EPB41L3: variants seen among roughly 807,000 people sequenced by gnomAD.
EPB41L3 encodes erythrocyte membrane protein band 4.1 like 3.
In EPB41L3, 57 loss-of-function variants were observed where a neutral mutation model predicts 127.1. The ratio of observed to expected loss-of-function variants is 0.45; its 90% CI spans 0.36 to 0.56. EPB41L3 has a LOEUF of 0.56. Ranked by LOEUF, EPB41L3 falls within the 20% of genes least tolerant of loss-of-function variation. The pLI is 0.00. For synonymous variants in EPB41L3, 572 were observed against 549.5 expected (o/e 1.04, Z -0.57); for missense variants, 1,273 against 1,372.2 (o/e 0.93, Z 1.14).
chr18:5,437,010 C>A (rs2079943943), intron 6 of EPB41L3, among the ~76,000 whole-genome samples: 1 of 152,316 alleles, frequency 6.6e-6, no homozygotes, highest in Non-Finnish European at 1.5e-5. Flanking sequence ...ATACACTGCA[C>A]AAAATTGCTT....
At chr18:5,423,671 T>C (rs2077763977) in intron 10 of EPB41L3, 118 bp from the exon 11 acceptor site, 4 of 897,830 alleles carry the variant, frequency 4.5e-6, no homozygotes, top group Non-Finnish European at 6.6e-6. Flanking sequence ...AACGCACAAC[T>C]TGCAGTTAAA....
chr18:5,475,743 C>T (rs2087055235), intron 3 of EPB41L3, among the ~76,000 whole-genome samples: 1 of 152,216 alleles, frequency 6.6e-6, no homozygotes, highest in Non-Finnish European at 1.5e-5. Flanking sequence ...TCCTGCTTTG[C>T]TTCAGCGTCC....
intron 3 of EPB41L3, among the ~76,000 whole-genome samples, chr18:5,445,827 C>G (rs981208603): frequency 6.6e-6 from 1 of 152,116 alleles, no homozygotes; most frequent in Non-Finnish European, 1.5e-5. Flanking sequence ...GAGTTCGAAC[C>G]CTATTGTGAA....
chr18:5,620,433 C>G (rs1475427418), intron 1 of EPB41L3, among the ~76,000 whole-genome samples: 1 of 152,192 alleles, frequency 6.6e-6, no homozygotes, highest in East Asian at 1.9e-4. Flanking sequence ...CGTCATGATA[C>G]TTTTTCACTT....
intron 2 of EPB41L3, among the ~76,000 whole-genome samples, chr18:5,479,207 T>C (rs2087883203): frequency 6.6e-6 from 1 of 152,222 alleles, no homozygotes; most frequent in African/African-American, 2.4e-5. Flanking sequence ...CCAACTATTC[T>C]CTCTGTACAT....
At chr18:5,546,706 C>T (rs1052883825), upstream of EPB41L3, among the ~76,000 whole-genome samples, 3 of 152,082 alleles carry the variant, frequency 2.0e-5, no homozygotes, top group African/African-American at 7.2e-5. Flanking sequence ...TTCCCCCTAG[C>T]ACAGACAGGG....
At chr18:5,492,767 T>C in intron 1 of EPB41L3, among the ~76,000 whole-genome samples, 1 of 152,232 alleles carries the variant, frequency 6.6e-6, no homozygotes, top group East Asian at 1.9e-4. Context: ...TTTGGATTCC[T>C]GGAAACTCCA....
At chr18:5,630,284 C>A, upstream of EPB41L3, 1 of 492,326 alleles carries the variant, frequency 2.0e-6, no homozygotes, top group South Asian at 1.4e-5. Context: ...GACCTCGAGC[C>A]AAGGGCAGGC....
chr18:5,549,947 C>G (rs2093941170), intron 3 of EPB41L3, among the ~76,000 whole-genome samples: 1 of 152,184 alleles, frequency 6.6e-6, no homozygotes, highest in South Asian at 2.1e-4. Context: ...TGCTTGGATC[C>G]TGTCATTGCA....
intron 1 of EPB41L3, among the ~76,000 whole-genome samples, chr18:5,525,522 G>A (rs1052765541): frequency 6.6e-6 from 1 of 152,112 alleles, no homozygotes; most frequent in Non-Finnish European, 1.5e-5. Context: ...TAAAGAACTT[G>A]CCTATGGCTG....
chr18:5,509,603 A>G (rs565275742), intron 1 of EPB41L3, among the ~76,000 whole-genome samples: 70 of 152,334 alleles, frequency 4.6e-4, no homozygotes, highest in Middle Eastern at 3.4e-3. Flanking sequence ...TCACACAAAG[A>G]AACCGTGAAA....
At chr18:5,563,971 A>C (rs2094165900) in intron 3 of EPB41L3, among the ~76,000 whole-genome samples, 1 of 152,166 alleles carries the variant, frequency 6.6e-6, no homozygotes, top group South Asian at 2.1e-4. Flanking sequence ...AAGCCCTAGG[A>C]AACACCAACA....
rs375583326 is a variant in EPB41L3, at chr18:5,423,505, G to A, written c.1212C>T (p.Ser404=). Residue 404 remains serine (S), a synonymous_variant, in exon 11 of 23, where the codon TCC becomes TCT. Transcript: ENST00000341928. The part of the protein sequence containing the change: ...APPKKFLTLG[S]KFRYSGRTQA... The stretch of plus-strand genomic sequence containing the variant: ...GTGTCCTGCCACTATAACGAAACTT[G>A]GAACCCAAGGTTAGGAATTTCTTGG... 3 of 1,613,262 alleles carry A rather than the reference G, an allele frequency of 1.9e-6. No homozygotes were observed. Among genetic ancestry groups the A allele is most frequent in the Non-Finnish European group, 2.5e-6 (3 of 1,179,576 alleles).
intron 3 of EPB41L3, among the ~76,000 whole-genome samples, chr18:5,566,610 A>G (rs890865109): frequency 6.6e-6 from 1 of 152,086 alleles, no homozygotes; most frequent in Non-Finnish European, 1.5e-5. Context: ...GGAAAAAACT[A>G]CTTTAAAGTT....
chr18:5,509,930 T>G (rs1481284716), intron 1 of EPB41L3, among the ~76,000 whole-genome samples: 1 of 152,130 alleles, frequency 6.6e-6, no homozygotes, highest in Non-Finnish European at 1.5e-5. Context: ...ACCACCAAAC[T>G]AGAGCCAGGT....
At chr18:5,423,318 A>C in intron 11 of EPB41L3, 60 bp downstream of exon 11, 1 of 1,458,880 alleles carries the variant, frequency 6.9e-7, no homozygotes, top group Non-Finnish European at 9.2e-7. Context: ...AGCTCATGAC[A>C]GTTTCACATT....
chr18:5,491,321 C>T (rs1395430976), intron 1 of EPB41L3, among the ~76,000 whole-genome samples: 1 of 152,164 alleles, frequency 6.6e-6, no homozygotes, highest in East Asian at 1.9e-4. Context: ...TGGACTGTGA[C>T]GTAAGGCAGA....
intron 2 of EPB41L3, chr18:5,480,269 T>TA (rs2088162269): frequency 6.6e-6 from 1 of 152,176 alleles, no homozygotes; most frequent in African/African-American, 2.4e-5. Flanking sequence ...GGCCCTTACA[T>TA]ACATTTTTTA....
chr18:5,550,209 T>C (rs571472006), intron 3 of EPB41L3, among the ~76,000 whole-genome samples: 2 of 152,170 alleles, frequency 1.3e-5, no homozygotes, highest in Non-Finnish European at 2.9e-5. Context: ...TCTTAAACCC[T>C]GCAAATAGAG....
Sources: gnomAD v4.1 joint callset for allele counts (sites outside exome capture counted in the v4.1 genomes callset) on GRCh38, gnomAD v4.1.1 for gene constraint, MANE v1.5 for transcripts, NCBI Gene and HGNC (gene_info 2026-07-23, HGNC 2026-07-21) for gene names.